Variants in CMTM6 observed in about 807,000 individuals in gnomAD.
The protein encoded by CMTM6 is CKLF-like MARVEL transmembrane domain-containing protein 6.
A neutral mutation model predicts 13.6 loss-of-function variants in CMTM6; 5 were observed. That is an observed-to-expected ratio of 0.37 (90% CI 0.19 to 0.77). CMTM6 has a LOEUF of 0.77. CMTM6 is among the 30% of genes least tolerant of loss of function. CMTM6 has a pLI of 0.50. For synonymous variants in CMTM6, 99 were observed against 84.5 expected (o/e 1.17, Z -0.94); for missense variants, 196 against 218.6 (o/e 0.90, Z 0.65).
intron 1 of CMTM6, among the ~76,000 whole-genome samples, chr3:32,493,196 G>C (rs1336260319): frequency 6.6e-6 from 1 of 152,240 alleles, no homozygotes; most frequent in Non-Finnish European, 1.5e-5. Flanking sequence ...CAACTCAACT[G>C]ATGACAGAAG....
chr3:32,484,221 C>A, intron 3 of CMTM6, 124 bp from the exon 4 acceptor site: 1 of 869,602 alleles, frequency 1.1e-6, no homozygotes, highest in Non-Finnish European at 1.6e-6. Flanking sequence ...TACACGACTA[C>A]TCTTTAATGG....
At chr3:32,501,346 G>T (rs1276567301) in intron 1 of CMTM6, among the ~76,000 whole-genome samples, 3 of 152,140 alleles carry the variant, frequency 2.0e-5, no homozygotes, top group African/African-American at 4.8e-5. Flanking sequence ...GAAGAAGGAA[G>T]AAGGTAGAAG....
At chr3:32,501,141 G>A (rs2125660458) in intron 1 of CMTM6, among the ~76,000 whole-genome samples, 1 of 138,906 alleles carries the variant, frequency 7.2e-6, no homozygotes, top group Admixed American at 7.7e-5. Flanking sequence ...AGTGAGCCGA[G>A]ATTGCGCCAC....
intron 1 of CMTM6, among the ~76,000 whole-genome samples, chr3:32,501,974 T>C (rs1019927143): frequency 6.6e-6 from 1 of 152,248 alleles, no homozygotes; most frequent in African/African-American, 2.4e-5. Context: ...ATGCATACCA[T>C]GTCCTAGTTC....
chr3:32,502,593 T>G lies in CMTM6; in HGVS notation c.138+15A>C. 1 of 1,588,522 alleles carries G rather than the reference T, an allele frequency of 6.3e-7. No homozygotes were observed. Among genetic ancestry groups the G allele is most frequent in the Non-Finnish European group, 8.5e-7 (1 of 1,169,994 alleles). ...CTCCCCAGCCCGGGCTCGCCCTCCC[T>G]GACCGCGGACTCACCAGCTGCAAGC... On this transcript the variant is annotated intron_variant, in intron 1 of 3. Coordinates refer to ENST00000205636, the MANE Select transcript of CMTM6 (RefSeq NM_017801.3).
In CMTM6 at chr3:32,502,647, C is replaced by T; in HGVS notation, c.99G>A (p.Arg33=). The T allele has an allele frequency of 6.3e-7, 1 of 1,595,454 alleles. No individual in the cohort carries two copies. Among genetic ancestry groups the T allele is most frequent in the African/African-American group, 1.3e-5 (1 of 74,566 alleles). ...SGLAAYFFMG[R]LPLLRRVLKG... Reference sequence around the variant, plus strand: ...TGAGAACGCGCCGGAGCAATGGGAGCCGGCCCATGAAAAAGTAGGCAGCGA... The same window carrying T: ...TGAGAACGCGCCGGAGCAATGGGAGTCGGCCCATGAAAAAGTAGGCAGCGA... The change falls in exon 1 of 4, where the codon CGG becomes CGA. Residue 33 remains arginine, a synonymous_variant. Coordinates refer to ENST00000205636, the MANE Select transcript of CMTM6 (RefSeq NM_017801.3).
chr3:32,487,565 C>T (rs1697215077), intron 3 of CMTM6, among the ~76,000 whole-genome samples: 1 of 152,178 alleles, frequency 6.6e-6, no homozygotes, highest in Admixed American at 6.5e-5. Context: ...CTTTTCTAGA[C>T]TGAGTCTCTG....
intron 1 of CMTM6, among the ~76,000 whole-genome samples, chr3:32,497,344 C>T (rs1354734374): frequency 1.4e-5 from 2 of 145,052 alleles, no homozygotes; most frequent in East Asian, 2.0e-4. Context: ...GAGATCGCAC[C>T]ACTGCACTCC....
intron 1 of CMTM6, among the ~76,000 whole-genome samples, chr3:32,500,621 T>C (rs1331131360): frequency 6.6e-6 from 1 of 152,202 alleles, no homozygotes; most frequent in Non-Finnish European, 1.5e-5. Flanking sequence ...CTAACGATCT[T>C]TTAAGGCAAA....
intron 2 of CMTM6, among the ~76,000 whole-genome samples, chr3:32,489,672 AG>A (rs2125656873): frequency 6.6e-6 from 1 of 151,906 alleles, no homozygotes; most frequent in Non-Finnish European, 1.5e-5. Flanking sequence ...AAAAAAAAAA[AG>A]AGGTTTTCTC....
chr3:32,491,586 T>C (rs113680859), intron 2 of CMTM6, 124 bp downstream of exon 2: 30 of 804,520 alleles, frequency 3.7e-5, no homozygotes, highest in African/African-American at 1.7e-4. Flanking sequence ...GCAGAGCGAG[T>C]TGGAACAAGG....
intron 3 of CMTM6, among the ~76,000 whole-genome samples, chr3:32,486,448 CAT>C (rs1433257073): frequency 5.9e-5 from 9 of 152,134 alleles, no homozygotes; most frequent in African/African-American, 1.2e-4. Context: ...TATAAATATT[CAT>C]ATGTTTTACT....
At position 32,481,467 on chromosome 3, in the gene CMTM6, T is replaced by C. The variant is rs1301527290; in HGVS notation, c.*2493A>G. On this transcript the variant is annotated 3_prime_UTR_variant, in exon 4 of 4. Coordinates refer to ENST00000205636, the MANE Select transcript of CMTM6 (RefSeq NM_017801.3). ...CCAGCCCCCAAACAAAACACAAGTA[T>C]AGTAATTATAAAATTTTTGTACTGT... The C allele has an allele frequency of 5.9e-5, 9 of 152,128 alleles. No homozygotes were observed. The allele number at this position is 152,128 out of a possible 1,614,324, so 9.4% of individuals were successfully genotyped here. A position where few individuals can be genotyped will look rare whatever the true frequency, so the allele number is the denominator to read the frequency against.
chr3:32,499,111 G>T (rs543258151), intron 1 of CMTM6, among the ~76,000 whole-genome samples: 3 of 152,132 alleles, frequency 2.0e-5, no homozygotes, highest in Non-Finnish European at 4.4e-5. Context: ...AAAATCCATT[G>T]GTCTGAAGAA....
intron 1 of CMTM6, among the ~76,000 whole-genome samples, chr3:32,500,263 A>G (rs1697333396): frequency 6.6e-6 from 1 of 152,228 alleles, no homozygotes; most frequent in Non-Finnish European, 1.5e-5. Flanking sequence ...CAACCAATCT[A>G]TCTAAAGGAA....
intron 1 of CMTM6, among the ~76,000 whole-genome samples, chr3:32,500,317 G>C (rs77851054): frequency 0.014 from 2,150 of 152,312 alleles, 48 homozygotes; most frequent in African/African-American, 0.049. Flanking sequence ...CCCCAGGCTG[G>C]AAGACAACTT....
At chr3:32,485,914 G>A (rs769625472) in intron 3 of CMTM6, among the ~76,000 whole-genome samples, 7 of 152,158 alleles carry the variant, frequency 4.6e-5, no homozygotes, top group South Asian at 2.1e-4. Context: ...GTCTCACTCT[G>A]TCACTTACAC....
Position 32,482,044 on chromosome 3 carries a change from T to G in CMTM6, c.*1916A>C, listed in dbSNP as rs1007709119. The stretch of plus-strand genomic sequence containing the variant: ...AGGTCTAAATCACAATGGTACAGTC[T>G]GATGTGAAACTTTAGTCTACCTACC... On this transcript the variant is annotated 3_prime_UTR_variant, in exon 4 of 4. Coordinates refer to ENST00000205636, the MANE Select transcript of CMTM6 (RefSeq NM_017801.3). The G allele has an allele frequency of 1.3e-5, 2 of 152,074 alleles. No homozygotes were observed. Among genetic ancestry groups the G allele is most frequent in the East Asian group, 3.8e-4 (2 of 5,200 alleles). 9.4% of individuals were successfully genotyped at this position (152,074 alleles called of 1,614,324 possible).
intron 1 of CMTM6, among the ~76,000 whole-genome samples, chr3:32,499,234 C>T (rs991458494): frequency 6.6e-6 from 1 of 152,278 alleles, no homozygotes; most frequent in South Asian, 2.1e-4. Flanking sequence ...TTTCAATTTA[C>T]TATACATCAG....
Sources: allele counts gnomAD v4.1 joint callset (sites outside exome capture counted in the v4.1 genomes callset), GRCh38; gene constraint gnomAD v4.1.1; transcripts MANE v1.5; gene names NCBI Gene and HGNC (gene_info 2026-07-23, HGNC 2026-07-21).